MED13L: variants seen among roughly 807,000 people sequenced by gnomAD.
The protein encoded by MED13L is mediator complex subunit 13L.
MED13L carries 7 observed loss-of-function variants against 220.9 expected under a neutral mutation model. That is an observed-to-expected ratio of 0.03 (90% CI 0.02 to 0.06). MED13L has a LOEUF of 0.06. Ranked by LOEUF, MED13L falls within the 10% of genes least tolerant of loss-of-function variation. The pLI, the probability that MED13L is intolerant of heterozygous loss-of-function variation, is 1.00. For synonymous variants in MED13L, 1,011 were observed against 1,015.2 expected (o/e 1.00, Z 0.08); for missense variants, 1,965 against 2,760.5 (o/e 0.71, Z 6.46).
chr12:116,265,116 T>TA, intron 1 of MED13L, among the ~76,000 whole-genome samples: 2 of 152,220 alleles, frequency 1.3e-5, no homozygotes, highest in Non-Finnish European at 2.9e-5. Context: ...ACTACCAAGC[T>TA]GCCCAAATAG....
In MED13L at chr12:115,997,241, G is replaced by C. The variant is rs765381458; in HGVS notation, c.2570-11C>G. 2 of 1,612,394 alleles carry C rather than the reference G, an allele frequency of 1.2e-6. No homozygotes were observed. The highest frequency in any genetic ancestry group is 3.3e-5 in the Admixed American group (2 of 59,926). On this transcript the variant is annotated splice_polypyrimidine_tract_variant and intron_variant, in intron 14 of 30. Transcript: ENST00000281928. The stretch of plus-strand genomic sequence containing the variant: ...GCAAGTCTGCAACTGCTAAAAATAA[G>C]AAATAAAAAAAATTTGTTTAATAGG...
At chr12:115,971,949 A>T in intron 26 of MED13L, 129 bp downstream of exon 26, 1 of 1,112,996 alleles carries the variant, frequency 9.0e-7, no homozygotes, top group Non-Finnish European at 1.3e-6. Flanking sequence ...TTCCATCTTT[A>T]AGCCCCAAAT....
At chr12:116,234,924 A>C (rs2138447572) in intron 2 of MED13L, among the ~76,000 whole-genome samples, 1 of 152,176 alleles carries the variant, frequency 6.6e-6, no homozygotes, top group Middle Eastern at 3.4e-3. Context: ...CAGCCTCCCA[A>C]AGTGTTGGGA....
chr12:116,005,835 GA>G, intron 13 of MED13L, 33 bp downstream of exon 13: 4 of 1,612,892 alleles, frequency 2.5e-6, no homozygotes, highest in Non-Finnish European at 3.4e-6. Context: ...TTCATGTAGC[GA>G]AATTTTTGTT....
At position 115,980,647 on chromosome 12, in the gene MED13L, A is replaced by G; in HGVS notation, c.5364+103T>C. 9 of 1,241,498 alleles carry G rather than the reference A, an allele frequency of 7.2e-6. 1 individual carries two copies. In the South Asian group the frequency reaches 1.1e-4, roughly 15 times the overall value. 76.9% of individuals were successfully genotyped at this position (1,241,498 alleles called of 1,614,324 possible). A position where few individuals can be genotyped will look rare whatever the true frequency, so the allele number is the denominator to read the frequency against. On this transcript the variant is annotated intron_variant, in intron 23 of 30. Transcript: ENST00000281928. ...CCTAGCAACTCTTATATCAATGTAG[A>G]AGACCAACTAAGCAACCAGCCAATC...
chr12:116,007,701 A>G (rs1448237290), intron 10 of MED13L, 65 bp from the exon 11 acceptor site: 1 of 1,428,498 alleles, frequency 7.0e-7, no homozygotes, highest in East Asian at 2.3e-5. Context: ...CAAAGTTTAA[A>G]CTTTTTGTAA....
chr12:116,061,752 A>C (rs2137638325), intron 4 of MED13L, among the ~76,000 whole-genome samples: 1 of 152,272 alleles, frequency 6.6e-6, no homozygotes, highest in South Asian at 2.1e-4. Context: ...TCACGCCTGT[A>C]ATCTCAGCAC....
chr12:116,179,541 G>A (rs753564334), intron 2 of MED13L, among the ~76,000 whole-genome samples: 13 of 147,566 alleles, frequency 8.8e-5, no homozygotes, highest in African/African-American at 1.2e-4. Context: ...CACGTGAACC[G>A]AGAAAATAGG....
In MED13L at chr12:115,960,575, A is replaced by G. The variant is rs1180193364; in HGVS notation, c.*691T>C. On this transcript the variant is annotated 3_prime_UTR_variant, in exon 31 of 31. Coordinates refer to ENST00000281928, the MANE Select transcript of MED13L (RefSeq NM_015335.5). ...ATGTAGTCAAAGAATCCTATGGTGG[A>G]TCTGAATTGGGTTTCAGCTACTGTA... The G allele has an allele frequency of 6.5e-6, 1 of 154,388 alleles. No individual in the cohort carries two copies. The highest frequency in any genetic ancestry group is 1.4e-5 in the Non-Finnish European group (1 of 69,414). 9.6% of individuals were successfully genotyped at this position (154,388 alleles called of 1,614,324 possible).
chr12:116,215,636 T>C (rs920927261), intron 2 of MED13L, among the ~76,000 whole-genome samples: 6 of 152,214 alleles, frequency 3.9e-5, no homozygotes, highest in Admixed American at 1.3e-4. Context: ...GTCTAACAGA[T>C]AAAATGAAGC....
chr12:116,120,549 C>T (rs934549720), intron 2 of MED13L, among the ~76,000 whole-genome samples: 13 of 138,358 alleles, frequency 9.4e-5, no homozygotes, highest in Non-Finnish European at 1.7e-4. Flanking sequence ...GGGGAAAATA[C>T]ATAAAGAGGG....
intron 2 of MED13L, among the ~76,000 whole-genome samples, chr12:116,156,024 TTAC>T (rs1441182453): frequency 7.9e-5 from 12 of 152,174 alleles, no homozygotes; most frequent in African/African-American, 2.7e-4. Context: ...TTCTGTGCAA[TTAC>T]TTTCACGTTT....
chr12:116,078,834 T>C (rs917173915), intron 4 of MED13L, among the ~76,000 whole-genome samples: 2 of 152,192 alleles, frequency 1.3e-5, no homozygotes, highest in Non-Finnish European at 2.9e-5. Context: ...TCTCATGATA[T>C]GTATCCTAGA....
In MED13L at chr12:115,980,952, T is replaced by TA; in HGVS notation, c.5176-15dup. On this transcript the variant is annotated splice_polypyrimidine_tract_variant and intron_variant, in intron 22 of 30. Coordinates refer to ENST00000281928, the MANE Select transcript of MED13L (RefSeq NM_015335.5). ...GCAAGGCACAATCTAAAGACACAAA[T>TA]ACAAAAAAAAAACAAAAACCAAAAA... The TA allele has an allele frequency of 1.3e-6, 2 of 1,595,110 alleles. No individual in the cohort carries two copies. Among genetic ancestry groups the TA allele is most frequent in the Non-Finnish European group, 1.7e-6 (2 of 1,175,302 alleles).
intron 1 of MED13L, among the ~76,000 whole-genome samples, chr12:116,251,381 C>T (rs1192959519): frequency 8.1e-6 from 1 of 123,958 alleles, no homozygotes; most frequent in Non-Finnish European, 1.6e-5. Context: ...ACGATGGTCT[C>T]GATCTCCTGA....
At chr12:116,151,456 C>T (rs926547791) in intron 2 of MED13L, among the ~76,000 whole-genome samples, 12 of 152,132 alleles carry the variant, frequency 7.9e-5, no homozygotes, top group African/African-American at 2.9e-4. Context: ...AGAGATTTAA[C>T]AATAAACGCA....
intron 4 of MED13L, among the ~76,000 whole-genome samples, chr12:116,060,232 GA>G (rs1869327959): frequency 6.6e-6 from 1 of 151,772 alleles, no homozygotes; most frequent in Non-Finnish European, 1.5e-5. Flanking sequence ...ATTCGAATTA[GA>G]CACATTTCTA....
At chr12:116,270,066 T>C (rs1462195841) in intron 1 of MED13L, among the ~76,000 whole-genome samples, 1 of 150,740 alleles carries the variant, frequency 6.6e-6, no homozygotes, top group Non-Finnish European at 1.5e-5. Context: ...CTAATATAAA[T>C]GCAAGAAAAA....
At chr12:116,045,624 C>T (rs1439991559) in intron 4 of MED13L, among the ~76,000 whole-genome samples, 1 of 152,082 alleles carries the variant, frequency 6.6e-6, no homozygotes, top group Non-Finnish European at 1.5e-5. Flanking sequence ...GTGAAAAATG[C>T]TCTGCTATAA....
Sources: allele counts gnomAD v4.1 joint callset (sites outside exome capture counted in the v4.1 genomes callset), GRCh38; gene constraint gnomAD v4.1.1; transcripts MANE v1.5; gene names NCBI Gene and HGNC (gene_info 2026-07-23, HGNC 2026-07-21).